Variants in SEMA5A observed in about 807,000 individuals in gnomAD.
SEMA5A encodes semaphorin 5A.
A neutral mutation model predicts 135.5 loss-of-function variants in SEMA5A; 55 were observed. The observed-to-expected ratio is 0.41, with a 90% CI of 0.33 to 0.51. SEMA5A has a LOEUF of 0.51. SEMA5A is among the 20% of genes least tolerant of loss of function. SEMA5A has a pLI of 0.37. For missense variants in SEMA5A, 1,290 were observed against 1,419.9 expected, an observed-to-expected ratio of 0.91 and a Z score of 1.47; for synonymous variants, 580 against 546.5, an observed-to-expected ratio of 1.06 and a Z score of -0.85.
chr5:9,122,572 T>A, intron 14 of SEMA5A, 84 bp downstream of exon 14: 1 of 1,322,636 alleles, frequency 7.6e-7, no homozygotes, highest in Non-Finnish European at 1.0e-6. Flanking sequence ...CAAAAGGGAG[T>A]TATATTATAA....
intron 16 of SEMA5A, among the ~76,000 whole-genome samples, chr5:9,073,019 G>C (rs922497671): frequency 6.6e-6 from 1 of 152,152 alleles, no homozygotes; most frequent in African/African-American, 2.4e-5. Context: ...GAAACAACTT[G>C]CAACATGCCA....
chr5:9,318,090 C>A (rs779667989), intron 5 of SEMA5A, among the ~76,000 whole-genome samples: 1 of 152,130 alleles, frequency 6.6e-6, no homozygotes, highest in Non-Finnish European at 1.5e-5. Context: ...GGCTTTGAAG[C>A]AATGTTCCTT....
At chr5:9,439,991 C>A (rs1353728904) in intron 1 of SEMA5A, among the ~76,000 whole-genome samples, 1 of 152,242 alleles carries the variant, frequency 6.6e-6, no homozygotes, top group African/African-American at 2.4e-5. Flanking sequence ...ATTTTAACAG[C>A]CTGGGGGCTT....
intron 12 of SEMA5A, among the ~76,000 whole-genome samples, chr5:9,154,093 A>ATATATATGTGTG (rs372321939): frequency 6.8e-5 from 5 of 73,500 alleles, no homozygotes; most frequent in African/African-American, 1.7e-4. Flanking sequence ...ATATATATAT[A>ATATATATGTGTG]TGTGTGTGTG....
chr5:9,472,319 T>A (rs1478500793), intron 1 of SEMA5A, among the ~76,000 whole-genome samples: 1 of 152,222 alleles, frequency 6.6e-6, no homozygotes, highest in African/African-American at 2.4e-5. Context: ...CATCATCTAG[T>A]GCCCTGGAAG....
At chr5:9,524,798 T>C (rs1737034826) in intron 1 of SEMA5A, among the ~76,000 whole-genome samples, 1 of 152,168 alleles carries the variant, frequency 6.6e-6, no homozygotes, top group South Asian at 2.1e-4. Context: ...TTTGGGTGAC[T>C]TGACAAATAT....
chr5:9,151,018 C>A (rs1321237747), intron 12 of SEMA5A, among the ~76,000 whole-genome samples: 3 of 152,258 alleles, frequency 2.0e-5, no homozygotes, highest in African/African-American at 7.2e-5. Context: ...TGACCCAGGT[C>A]TCATGTTGCA....
chr5:9,480,020 T>C (rs1759815408), intron 1 of SEMA5A, among the ~76,000 whole-genome samples: 1 of 152,210 alleles, frequency 6.6e-6, no homozygotes, highest in Non-Finnish European at 1.5e-5. Flanking sequence ...CCAAGAGTAC[T>C]CCACCACAGC....
intron 1 of SEMA5A, among the ~76,000 whole-genome samples, chr5:9,470,098 G>A (rs1759421701): frequency 6.6e-6 from 1 of 152,156 alleles, no homozygotes; most frequent in Non-Finnish European, 1.5e-5. Context: ...GCATGTTAGG[G>A]GGGGTTCCAC....
chr5:9,381,993 C>T (rs1755641013), intron 2 of SEMA5A, among the ~76,000 whole-genome samples: 1 of 92,476 alleles, frequency 1.1e-5, no homozygotes, highest in East Asian at 3.2e-4. Context: ...CGCGCGCGCG[C>T]ACATCAAGTT....
intron 16 of SEMA5A, among the ~76,000 whole-genome samples, chr5:9,073,088 T>C (rs1737857643): frequency 1.3e-5 from 2 of 152,128 alleles, no homozygotes; most frequent in African/African-American, 4.8e-5. Flanking sequence ...TCCCAAGTCA[T>C]TCTATGAGGC....
At chr5:9,495,835 C>T (rs568221983) in intron 1 of SEMA5A, among the ~76,000 whole-genome samples, 11 of 152,292 alleles carry the variant, frequency 7.2e-5, no homozygotes, top group Admixed American at 2.0e-4. Flanking sequence ...TTTACTTAAA[C>T]TCTTAATTCA....
intron 2 of SEMA5A, among the ~76,000 whole-genome samples, chr5:9,408,090 CA>C (rs1383162986): frequency 6.6e-6 from 1 of 151,872 alleles, no homozygotes; most frequent in African/African-American, 2.4e-5. Flanking sequence ...ATCACTACCA[CA>C]ATCATCACCA....
intron 2 of SEMA5A, among the ~76,000 whole-genome samples, chr5:9,428,117 T>TCTA (rs1757728272): frequency 3.7e-5 from 5 of 135,612 alleles, no homozygotes; most frequent in African/African-American, 1.3e-4. Flanking sequence ...TATATATATA[T>TCTA]TCAACTCTAT....
chr5:9,535,134 C>T (rs1737687020), intron 1 of SEMA5A, among the ~76,000 whole-genome samples: 1 of 152,214 alleles, frequency 6.6e-6, no homozygotes, highest in Non-Finnish European at 1.5e-5. Flanking sequence ...TAAGGGCTTT[C>T]CTATGCAGCA....
intron 5 of SEMA5A, among the ~76,000 whole-genome samples, chr5:9,307,168 G>T (rs1751909509): frequency 6.6e-6 from 1 of 152,072 alleles, no homozygotes; most frequent in South Asian, 2.1e-4. Flanking sequence ...ATCATTGAAG[G>T]GATCATGTAG....
chr5:9,245,870 T>C (rs1748453838), intron 5 of SEMA5A, among the ~76,000 whole-genome samples: 1 of 152,104 alleles, frequency 6.6e-6, no homozygotes, highest in Non-Finnish European at 1.5e-5. Flanking sequence ...ATAAGAAATT[T>C]TGGGGCTGGA....
intron 1 of SEMA5A, among the ~76,000 whole-genome samples, chr5:9,475,099 C>G (rs1424577271): frequency 6.6e-6 from 1 of 152,164 alleles, no homozygotes; most frequent in Non-Finnish European, 1.5e-5. Context: ...GCACCACCTA[C>G]TTTCGTATTT....
Position 9,286,723 on chromosome 5 carries a change from CAT to C in SEMA5A, c.270+31647_270+31648del, listed in dbSNP as rs556022240. 4.5e-3 allele frequency among the ~76,000 whole-genome samples: 361 copies of C among 80,202 alleles called. 1 individual carries two copies. The highest frequency in any genetic ancestry group is 0.011 in the African/African-American group (340 of 31,392). 52.6% of individuals were successfully genotyped at this position (80,202 alleles called of 152,430 possible). On this transcript the variant is annotated intron_variant, in intron 5 of 22. Coordinates refer to ENST00000382496, the MANE Select transcript of SEMA5A (RefSeq NM_003966.3). ...TCTCCCTTACACACACTTATACACA[CAT>C]ACACACACACACACACACGTGAATT...
Sources: allele counts gnomAD v4.1 joint callset (sites outside exome capture counted in the v4.1 genomes callset), GRCh38; gene constraint gnomAD v4.1.1; transcripts MANE v1.5; gene names NCBI Gene and HGNC (gene_info 2026-07-23, HGNC 2026-07-21).